Variants in RBP2 observed in about 807,000 individuals in gnomAD.
RBP2 encodes the protein retinol-binding protein 2.
RBP2 carries 17 observed loss-of-function variants against 17.0 expected under a neutral mutation model. The ratio of observed to expected loss-of-function variants is 1.00; its 90% CI spans 0.68 to 1.50. The LOEUF (loss-of-function observed/expected upper bound fraction) is 1.50, where lower values mean the gene tolerates loss of function less well. Ranked by LOEUF, RBP2 falls within the 40% of genes most tolerant of loss-of-function variation. The pLI is 0.00. For missense variants in RBP2, 158 were observed against 168.2 expected (o/e 0.94, Z 0.33); for synonymous variants, 48 against 57.1 (o/e 0.84, Z 0.72).
chr3:139,462,250 A>G lies in RBP2; in HGVS notation c.114T>C (p.Thr38=). 1.2e-6 allele frequency: 2 copies of G among 1,614,138 alleles called. No homozygotes were observed. Among genetic ancestry groups the G allele is most frequent in the Non-Finnish European group, 1.7e-6 (2 of 1,180,018 alleles). The change falls in exon 2 of 4, where the codon ACT becomes ACC. Residue 38 remains threonine, a synonymous_variant. Transcript: ENST00000232217. ...CATCTTGATCAATAACCTTCGTCTG[A>G]GTGAGACGTACTGCAATCTTGCGGG... ...FATRKIAVRL[T]QTKVIDQDGD...
intron 1 of RBP2, among the ~76,000 whole-genome samples, chr3:139,473,857 G>T (rs191206968): frequency 6.6e-6 from 1 of 152,294 alleles, no homozygotes; most frequent in East Asian, 1.9e-4. Context: ...AGGCATTTCT[G>T]CACAGGGCCT....
chr3:139,467,225 G>A (rs1433293834), intron 1 of RBP2, among the ~76,000 whole-genome samples: 2 of 152,250 alleles, frequency 1.3e-5, no homozygotes, highest in Non-Finnish European at 1.5e-5. Flanking sequence ...AGGTTCCTGG[G>A]CTGGCAGCAG....
At chr3:139,470,133 T>C (rs1933511791) in intron 1 of RBP2, among the ~76,000 whole-genome samples, 1 of 152,142 alleles carries the variant, frequency 6.6e-6, no homozygotes, top group African/African-American at 2.4e-5. Flanking sequence ...AACCAAAATA[T>C]GCAAACCAGA....
At chr3:139,460,590 C>T (rs530456482) in intron 2 of RBP2, among the ~76,000 whole-genome samples, 41 of 152,212 alleles carry the variant, frequency 2.7e-4, no homozygotes, top group South Asian at 4.1e-4. Flanking sequence ...CCATTGCTTT[C>T]GGGGAGAGTT....
chr3:139,460,211 C>A (rs1175270383), intron 2 of RBP2, among the ~76,000 whole-genome samples: 1 of 152,136 alleles, frequency 6.6e-6, no homozygotes, highest in East Asian at 1.9e-4. Flanking sequence ...ATCAATTTTC[C>A]TAGCAATTCT....
In RBP2 at chr3:139,474,376, C is replaced by T. The variant is rs1933659884; in HGVS notation, c.73+2011G>A. ...GAGGGTGGTAGGAATGCTTGCTTCT[C>T]ACCTTAAGCCTAGAGAGGTGGGCTT... On this transcript the variant is annotated intron_variant, in intron 1 of 3. Transcript: ENST00000232217. 2.0e-5 allele frequency among the ~76,000 whole-genome samples: 3 copies of T among 152,164 alleles called. No homozygotes were observed. In the South Asian group the frequency reaches 6.2e-4, roughly 32 times the overall value.
At chr3:139,467,994 G>A (rs1933422152) in intron 1 of RBP2, among the ~76,000 whole-genome samples, 1 of 152,212 alleles carries the variant, frequency 6.6e-6, no homozygotes. Flanking sequence ...TTGTGCTAAG[G>A]TCTGAGCTGT....
intron 2 of RBP2, among the ~76,000 whole-genome samples, chr3:139,457,039 A>ACT (rs1932996963): frequency 6.6e-6 from 1 of 152,018 alleles, no homozygotes; most frequent in South Asian, 2.1e-4. Context: ...TGTCCTCCTC[A>ACT]CTCCCAGATT....
chr3:139,458,464 A>G (rs1049765467), intron 2 of RBP2, among the ~76,000 whole-genome samples: 1 of 152,170 alleles, frequency 6.6e-6, no homozygotes, highest in South Asian at 2.1e-4. Flanking sequence ...TTATTTTATT[A>G]TTGAGATATA....
chr3:139,459,400 A>ATATATGTGTGTGTGTG (rs111417242), intron 2 of RBP2, among the ~76,000 whole-genome samples: 14,924 of 128,332 alleles, frequency 0.12, 1,421 homozygotes, highest in East Asian at 0.52. Flanking sequence ...TACTATATAT[A>ATATATGTGTGTGTGTG]TGTGTGTGTG....
At chr3:139,457,975 T>C (rs1933035446) in intron 2 of RBP2, among the ~76,000 whole-genome samples, 1 of 152,196 alleles carries the variant, frequency 6.6e-6, no homozygotes, top group Non-Finnish European at 1.5e-5. Context: ...ATATTGCAGT[T>C]TTACAAGAGA....
chr3:139,454,590 G>C (rs1413251431), intron 3 of RBP2, 139 bp downstream of exon 3: 6 of 708,002 alleles, frequency 8.5e-6, no homozygotes, highest in Non-Finnish European at 1.5e-5. Context: ...ATGGCTTTCT[G>C]ACTATATGAC....
At chr3:139,471,276 G>A (rs1933557807) in intron 1 of RBP2, among the ~76,000 whole-genome samples, 1 of 152,214 alleles carries the variant, frequency 6.6e-6, no homozygotes, top group Admixed American at 6.5e-5. Context: ...CATGGTATGA[G>A]AATAATTTGT....
intron 2 of RBP2, among the ~76,000 whole-genome samples, chr3:139,456,997 A>T (rs530974366): frequency 6.6e-6 from 1 of 152,152 alleles, no homozygotes; most frequent in African/African-American, 2.4e-5. Context: ...GAAAGGACTC[A>T]TGTCTTCAAT....
In RBP2 at chr3:139,475,686, C is replaced by T. The variant is rs78846999; in HGVS notation, c.73+701G>A. 2.4e-4 allele frequency among the ~76,000 whole-genome samples: 36 copies of T among 152,272 alleles called. No homozygotes were observed. In the East Asian group the frequency reaches 6.8e-3, roughly 29 times the overall value. On this transcript the variant is annotated intron_variant, in intron 1 of 3. Transcript: ENST00000232217. ...TGCTCAGCACCTGGAGCACAGGAGCCACCCAGTAACTGTGAGCTCCCCTCT... is the reference window on the plus strand; with the variant it reads ...TGCTCAGCACCTGGAGCACAGGAGCTACCCAGTAACTGTGAGCTCCCCTCT...
chr3:139,463,585 A>G (rs954517574), intron 1 of RBP2, among the ~76,000 whole-genome samples: 3 of 152,236 alleles, frequency 2.0e-5, no homozygotes, highest in Admixed American at 6.5e-5. Context: ...TAAGCGTTGC[A>G]TATTACAAGA....
At chr3:139,472,759 G>A (rs1190421914) in intron 1 of RBP2, among the ~76,000 whole-genome samples, 2 of 152,176 alleles carry the variant, frequency 1.3e-5, no homozygotes. Flanking sequence ...ATTAAATGAC[G>A]TGGTTGTTCC....
chr3:139,454,941 G>A, intron 2 of RBP2, 111 bp from the exon 3 acceptor site: 1 of 1,058,916 alleles, frequency 9.4e-7, no homozygotes, highest in Non-Finnish European at 1.4e-6. Context: ...CTTACTCGAA[G>A]GGCAGAGCCC....
intron 1 of RBP2, among the ~76,000 whole-genome samples, chr3:139,469,683 GTCTGTCTATCTATCTATCTATCTA>G (rs1281963263): frequency 5.5e-5 from 7 of 127,550 alleles, no homozygotes; most frequent in African/African-American, 1.3e-4. Flanking sequence ...CTGTCTGTCT[GTCTGTCTATCTATCTATCTATCTA>G]TCTATCTATC....
Sources: allele counts gnomAD v4.1 joint callset (sites outside exome capture counted in the v4.1 genomes callset), GRCh38; gene constraint gnomAD v4.1.1; transcripts MANE v1.5; gene names NCBI Gene and HGNC (gene_info 2026-07-23, HGNC 2026-07-21).